Variants in PTPN2 observed in about 807,000 individuals in gnomAD.
PTPN2 encodes the protein protein tyrosine phosphatase non-receptor type 2, also known as tyrosine-protein phosphatase non-receptor type 2.
PTPN2 carries 19 observed loss-of-function variants against 57.3 expected under a neutral mutation model. The observed-to-expected ratio is 0.33, with a 90% CI of 0.23 to 0.49. The LOEUF (loss-of-function observed/expected upper bound fraction) is 0.49. Among genes scored for constraint, PTPN2 ranks in the 20% least tolerant of loss-of-function variants. The pLI is 0.99. For missense variants in PTPN2, 358 were observed against 501.1 expected (o/e 0.71, Z 2.73); for synonymous variants, 153 against 164.9 (o/e 0.93, Z 0.55).
intron 5 of PTPN2, among the ~76,000 whole-genome samples, chr18:12,824,137 G>A (rs1476420910): frequency 1.3e-5 from 2 of 152,194 alleles, no homozygotes; most frequent in African/African-American, 4.8e-5. Flanking sequence ...AAGAGTTATT[G>A]ATGTATCTCA....
rs146498755 is a variant in PTPN2, at chr18:12,832,850, C to T, written c.262-1809G>A. ...TTGCCCAGGCTGGAGTGCAATGGCA[C>T]GACCTCGGCTCACTGCAACCTCTGC... On this transcript the variant is annotated intron_variant, in intron 3 of 8. Coordinates refer to ENST00000309660, the MANE Select transcript of PTPN2 (RefSeq NM_002828.4). Among the ~76,000 whole-genome samples, 679 of 152,328 alleles carry T rather than the reference C, an allele frequency of 4.5e-3. 4 individuals are homozygous for T. Among genetic ancestry groups the T allele is most frequent in the African/African-American group, 0.016 (648 of 41,578 alleles).
intron 5 of PTPN2, 140 bp from the exon 6 acceptor site, chr18:12,817,505 C>T: frequency 1.5e-6 from 1 of 682,438 alleles, no homozygotes; most frequent in Non-Finnish European, 2.5e-6. Context: ...TGTTTTCTGA[C>T]AATCCCATAT....
intron 3 of PTPN2, among the ~76,000 whole-genome samples, chr18:12,833,573 C>T (rs1010125497): frequency 3.9e-5 from 6 of 152,104 alleles, no homozygotes; most frequent in African/African-American, 1.4e-4. Flanking sequence ...AGGGTCCACT[C>T]CAGGCCCTCC....
intron 7 of PTPN2, among the ~76,000 whole-genome samples, chr18:12,811,356 C>T (rs2041883447): frequency 6.6e-6 from 1 of 152,102 alleles, no homozygotes; most frequent in Non-Finnish European, 1.5e-5. Context: ...GTAACTTGGC[C>T]TTATAGCTGG....
intron 6 of PTPN2, 57 bp from the exon 7 acceptor site, chr18:12,814,412 T>A (rs983873625): frequency 5.6e-6 from 8 of 1,427,980 alleles, no homozygotes; most frequent in Non-Finnish European, 7.6e-6. Flanking sequence ...GGAAACAGAA[T>A]CAATGCAAGA....
At chr18:12,877,706 A>G (rs1233829937) in intron 1 of PTPN2, among the ~76,000 whole-genome samples, 1 of 152,248 alleles carries the variant, frequency 6.6e-6, no homozygotes, top group African/African-American at 2.4e-5. Context: ...TTTGAACTAC[A>G]AATTTCTAAT....
rs1451882488 is a variant in PTPN2 at position 12,870,420 on chromosome 18, TATATAC to T, written c.70-11172_70-11167del. ...ATATATACACGTATATATATGTATA[TATATAC>T]GTATATATATATGTGTATATATATA... On this transcript the variant is annotated intron_variant, in intron 1 of 8. Transcript: ENST00000309660. Among the ~76,000 whole-genome samples the T allele has an allele frequency of 2.1e-4, 11 of 53,626 alleles. 1 individual carries two copies. Among genetic ancestry groups the T allele is most frequent in the South Asian group, 1.5e-3 (2 of 1,368 alleles). 35.2% of individuals were successfully genotyped at this position (53,626 alleles called of 152,430 possible). A position where few individuals can be genotyped will look rare whatever the true frequency, so the allele number is the denominator to read the frequency against.
intron 1 of PTPN2, among the ~76,000 whole-genome samples, chr18:12,869,288 C>T (rs1391396612): frequency 2.0e-5 from 3 of 152,182 alleles, no homozygotes; most frequent in Admixed American, 6.5e-5. Flanking sequence ...GTGATCCCCC[C>T]ACCTCAGCCT....
chr18:12,823,294 C>A (rs2042335136), intron 5 of PTPN2, among the ~76,000 whole-genome samples: 1 of 152,172 alleles, frequency 6.6e-6, no homozygotes, highest in African/African-American at 2.4e-5. Flanking sequence ...CACATGATGG[C>A]CTCAACTCCA....
intron 5 of PTPN2, chr18:12,818,907 A>C (rs1451771104): frequency 6.2e-6 from 1 of 160,128 alleles, no homozygotes; most frequent in East Asian, 1.8e-4. Context: ...CAACCTGACC[A>C]ACATAGAGAA....
At chr18:12,870,269 A>ACGTG (rs2044144963) in intron 1 of PTPN2, among the ~76,000 whole-genome samples, 1 of 94,252 alleles carries the variant, frequency 1.1e-5, no homozygotes, top group African/African-American at 6.1e-5. Flanking sequence ...ATATATATAT[A>ACGTG]TATGTATATA....
chr18:12,813,057 C>T lies in PTPN2; in HGVS notation c.858+1146G>A, dbSNP rs961820221. ...AAAGCAGTGGTAGGAAAGACACAAT[C>T]CAAAGGACAATACATTTCCCTCCCA... On this transcript the variant is annotated intron_variant, in intron 7 of 8. Coordinates refer to ENST00000309660, the MANE Select transcript of PTPN2 (RefSeq NM_002828.4). Among the ~76,000 whole-genome samples, 3 of 151,904 alleles carry T rather than the reference C, an allele frequency of 2.0e-5. No homozygotes were observed. The East Asian group carries it at 5.8e-4, about 29-fold the overall frequency.
intron 2 of PTPN2, among the ~76,000 whole-genome samples, 195 bp from the exon 3 acceptor site, chr18:12,837,086 C>T (rs943714660): frequency 3.3e-5 from 5 of 152,108 alleles, no homozygotes; most frequent in Non-Finnish European, 7.4e-5. Context: ...TTGTTTATTA[C>T]TATAGTGCTG....
chr18:12,874,280 C>T (rs1364596798), intron 1 of PTPN2, among the ~76,000 whole-genome samples: 84 of 139,976 alleles, frequency 6.0e-4, no homozygotes, highest in African/African-American at 2.2e-3. Context: ...CCCGGCCAGC[C>T]GCCCCGTCCG....
intron 1 of PTPN2, among the ~76,000 whole-genome samples, chr18:12,869,652 G>A (rs991879587): frequency 3.3e-5 from 5 of 152,174 alleles, no homozygotes; most frequent in African/African-American, 1.2e-4. Flanking sequence ...CTGCTACGAT[G>A]TAGTAGCAAA....
intron 6 of PTPN2, 49 bp downstream of exon 6, chr18:12,817,107 T>TA (rs375471609): frequency 0.038 from 47,722 of 1,261,162 alleles, 265 homozygotes; most frequent in Non-Finnish European, 0.044. Flanking sequence ...GGAAGCAATT[T>TA]AAAAAAAAAA....
At chr18:12,834,461 T>C (rs1050716253) in intron 3 of PTPN2, among the ~76,000 whole-genome samples, 6 of 152,212 alleles carry the variant, frequency 3.9e-5, no homozygotes, top group Non-Finnish European at 8.8e-5. Flanking sequence ...AAAAACACCA[T>C]TACAAAATTT....
At chr18:12,843,544 G>A (rs894345062) in intron 2 of PTPN2, among the ~76,000 whole-genome samples, 3 of 152,082 alleles carry the variant, frequency 2.0e-5, no homozygotes, top group African/African-American at 7.2e-5. Flanking sequence ...AGTGCTCTAG[G>A]GCAGACCAGC....
intron 5 of PTPN2, among the ~76,000 whole-genome samples, chr18:12,820,948 G>T (rs1459316134): frequency 6.6e-6 from 1 of 152,208 alleles, no homozygotes; most frequent in African/African-American, 2.4e-5. Flanking sequence ...CCTGTGAGTT[G>T]AGCAAGTGTA....
Sources: allele counts gnomAD v4.1 joint callset (sites outside exome capture counted in the v4.1 genomes callset), GRCh38; gene constraint gnomAD v4.1.1; transcripts MANE v1.5; gene names NCBI Gene and HGNC (gene_info 2026-07-23, HGNC 2026-07-21).